The following ATG5 variants were observed in gnomAD, a reference collection of about 807,000 sequenced individuals.
The protein encoded by ATG5 is autophagy related 5, also known as autophagy protein 5.
Under a neutral mutation model 36.5 loss-of-function variants are expected in ATG5, and 14 were observed. That is an observed-to-expected ratio of 0.38 (90% CI 0.25 to 0.60). ATG5 has a LOEUF of 0.60. Among genes scored for constraint, ATG5 ranks in the 20% least tolerant of loss-of-function variants. The pLI is 0.60. For missense variants in ATG5, 195 were observed against 326.7 expected, an observed-to-expected ratio of 0.60 and a Z score of 3.11; for synonymous variants, 95 against 101.5, an observed-to-expected ratio of 0.94 and a Z score of 0.38.
intron 5 of ATG5, among the ~76,000 whole-genome samples, chr6:106,260,987 G>A (rs191119204): frequency 2.0e-5 from 3 of 152,258 alleles, no homozygotes; most frequent in Non-Finnish European, 4.4e-5. Context: ...CTGGAAATGC[G>A]TAATACATGA....
chr6:106,263,518 G>A (rs73507103), intron 5 of ATG5, among the ~76,000 whole-genome samples: 427 of 152,332 alleles, frequency 2.8e-3, no homozygotes, highest in African/African-American at 9.9e-3. Context: ...CTAAGGGACC[G>A]ACTGCCTCAA....
chr6:106,232,685 C>T (rs2114468690), intron 6 of ATG5, among the ~76,000 whole-genome samples: 1 of 152,198 alleles, frequency 6.6e-6, no homozygotes. Context: ...CTACAATAAT[C>T]CAACTTTAGG....
At chr6:106,257,323 G>A (rs991840552) in intron 5 of ATG5, among the ~76,000 whole-genome samples, 2 of 152,130 alleles carry the variant, frequency 1.3e-5, no homozygotes, top group African/African-American at 4.8e-5. Flanking sequence ...TAACATAGTC[G>A]TTTATCATTA....
At chr6:106,203,317 A>T (rs1776508429) in intron 6 of ATG5, among the ~76,000 whole-genome samples, 1 of 152,162 alleles carries the variant, frequency 6.6e-6, no homozygotes, top group Non-Finnish European at 1.5e-5. Flanking sequence ...CTCTGAAATG[A>T]GCCAGTGTCT....
chr6:106,271,274 CA>C (rs1159302303), intron 5 of ATG5, among the ~76,000 whole-genome samples: 1 of 152,214 alleles, frequency 6.6e-6, no homozygotes, highest in African/African-American at 2.4e-5. Context: ...TGAATGTTTA[CA>C]TCCCCCTATA....
intron 5 of ATG5, among the ~76,000 whole-genome samples, chr6:106,260,247 T>TAA: frequency 6.6e-6 from 1 of 152,344 alleles, no homozygotes; most frequent in South Asian, 2.1e-4. Flanking sequence ...CCCTAGAACT[T>TAA]AAAGTATAAT....
At chr6:106,273,656 T>C (rs141558047) in intron 5 of ATG5, among the ~76,000 whole-genome samples, 1 of 152,154 alleles carries the variant, frequency 6.6e-6, no homozygotes, top group East Asian at 1.9e-4. Flanking sequence ...CCTGCCATGA[T>C]CATACAACTG....
At chr6:106,230,645 T>C (rs1400639898) in intron 6 of ATG5, among the ~76,000 whole-genome samples, 1 of 152,128 alleles carries the variant, frequency 6.6e-6, no homozygotes, top group Admixed American at 6.5e-5. Context: ...GGCATCCCTA[T>C]GTTCTTTTTT....
chr6:106,281,810 C>A (rs1779889920), intron 4 of ATG5, among the ~76,000 whole-genome samples: 1 of 152,170 alleles, frequency 6.6e-6, no homozygotes. Context: ...TATAAGAGTT[C>A]TGGTTACTCC....
intron 1 of ATG5, among the ~76,000 whole-genome samples, chr6:106,323,315 G>C (rs1771169829): frequency 7.3e-6 from 1 of 137,284 alleles, no homozygotes; most frequent in Non-Finnish European, 1.5e-5. Flanking sequence ...TGTCACCCAG[G>C]ATGGACTACA....
intron 4 of ATG5, among the ~76,000 whole-genome samples, chr6:106,280,484 C>T (rs943252060): frequency 1.3e-5 from 2 of 151,914 alleles, no homozygotes; most frequent in Non-Finnish European, 2.9e-5. Context: ...AATTAGACCT[C>T]AATAAAGCTG....
chr6:106,212,495 C>T (rs1174689300), intron 6 of ATG5, among the ~76,000 whole-genome samples: 1 of 152,074 alleles, frequency 6.6e-6, no homozygotes, highest in Non-Finnish European at 1.5e-5. Flanking sequence ...AAAAATTAGC[C>T]GGGCGCTGTG....
chr6:106,225,859 A>G (rs1214694060), intron 6 of ATG5, among the ~76,000 whole-genome samples: 6 of 152,212 alleles, frequency 3.9e-5, no homozygotes, highest in Admixed American at 1.3e-4. Context: ...TGAGATAGCA[A>G]TAACAGATGG....
intron 5 of ATG5, among the ~76,000 whole-genome samples, chr6:106,269,198 G>A (rs1218763756): frequency 1.3e-5 from 2 of 152,098 alleles, no homozygotes; most frequent in African/African-American, 4.8e-5. Flanking sequence ...ACAGAGTGTC[G>A]ATTGGTGCAT....
intron 6 of ATG5, among the ~76,000 whole-genome samples, chr6:106,235,434 G>A (rs1487640945): frequency 1.3e-5 from 2 of 152,086 alleles, no homozygotes; most frequent in Non-Finnish European, 2.9e-5. Flanking sequence ...TAGACTGGTC[G>A]TCAGCCAACC....
intron 7 of ATG5, among the ~76,000 whole-genome samples, chr6:106,189,334 G>A (rs750362577): frequency 6.6e-6 from 1 of 152,172 alleles, no homozygotes; most frequent in Non-Finnish European, 1.5e-5. Context: ...GCCAGGTGTG[G>A]TGGCTCATGT....
intron 5 of ATG5, among the ~76,000 whole-genome samples, chr6:106,279,382 T>C (rs1779788045): frequency 6.6e-6 from 1 of 152,070 alleles, no homozygotes; most frequent in Non-Finnish European, 1.5e-5. Flanking sequence ...ATCCTTAGAG[T>C]AATGGCATTT....
intron 6 of ATG5, among the ~76,000 whole-genome samples, chr6:106,227,693 T>C (rs2082942829): frequency 6.6e-6 from 1 of 152,194 alleles, no homozygotes. Flanking sequence ...ATCAATACCA[T>C]AGAAAATAAT....
intron 5 of ATG5, among the ~76,000 whole-genome samples, chr6:106,273,087 G>A (rs1779514263): frequency 6.6e-6 from 1 of 152,280 alleles, no homozygotes; most frequent in Non-Finnish European, 1.5e-5. Context: ...GCTAAAGACT[G>A]TAAAAAAGGA....
Sources: allele counts gnomAD v4.1 joint callset (sites outside exome capture counted in the v4.1 genomes callset), GRCh38; gene constraint gnomAD v4.1.1; transcripts MANE v1.5; gene names NCBI Gene and HGNC (gene_info 2026-07-23, HGNC 2026-07-21).